FCGR2B: variants seen among roughly 807,000 people sequenced by gnomAD.
FCGR2B encodes Fc gamma receptor IIb, also known as low affinity immunoglobulin gamma Fc region receptor II-b.
FCGR2B carries 18 observed loss-of-function variants against 24.8 expected under a neutral mutation model. That is an observed-to-expected ratio of 0.73 (90% CI 0.50 to 1.08). The LOEUF (loss-of-function observed/expected upper bound fraction) is 1.08. FCGR2B is among the 50% of genes least tolerant of loss of function. FCGR2B has a pLI of 0.00. For synonymous variants in FCGR2B, 79 were observed against 109.8 expected, an observed-to-expected ratio of 0.72 and a Z score of 1.75; for missense variants, 215 against 297.6, an observed-to-expected ratio of 0.72 and a Z score of 2.04.
chr1:161,647,323 T>A, the FCGR2B span, among the ~76,000 whole-genome samples: 3 of 142,780 alleles, frequency 2.1e-5, no homozygotes. Context: ...TTTTTGAGAT[T>A]GAGTCTCGCT....
At chr1:161,677,093 C>A in intron 6 of FCGR2B, 1 of 553,786 alleles carries the variant, frequency 1.8e-6, no homozygotes, top group Non-Finnish European at 3.1e-6. Context: ...GAATGCAGCT[C>A]AAGTGACTGC....
chr1:161,648,944 T>C, the FCGR2B span, among the ~76,000 whole-genome samples: 1 of 151,008 alleles, frequency 6.6e-6, no homozygotes, highest in Non-Finnish European at 1.5e-5. Context: ...ATAATGATTA[T>C]ACCAAAAATA....
chr1:161,671,312 G>A, intron 2 of FCGR2B, 80 bp from the exon 3 acceptor site: 1 of 1,608,492 alleles, frequency 6.2e-7, no homozygotes. Flanking sequence ...GCCTACAGGT[G>A]CTTTTTTGTC....
Position 161,676,021 on chromosome 1 carries a change from A to C in FCGR2B, c.817+708A>C, listed in dbSNP as rs1056013177. 3 of 231,850 alleles carry C rather than the reference A, an allele frequency of 1.3e-5. No individual in the cohort carries two copies. In the Admixed American group the frequency reaches 1.7e-4, roughly 13 times the overall value. The allele number at this position is 231,850 out of a possible 1,614,324, so 14.4% of individuals were successfully genotyped here. On this transcript the variant is annotated intron_variant, in intron 6 of 7. Transcript: ENST00000358671. ...AGGAAATGAGTGGGTGGCCAGGGTG[A>C]CCTCTCAGGTCTTCTAGATTTGACA...
the FCGR2B span, among the ~76,000 whole-genome samples, chr1:161,650,193 G>C: frequency 6.8e-6 from 1 of 147,610 alleles, no homozygotes; most frequent in African/African-American, 2.5e-5. Context: ...GTAGAGATGG[G>C]GTTTTGCCAA....
At chr1:161,664,034 CA>C (rs1157479895) in intron 1 of FCGR2B, among the ~76,000 whole-genome samples, 1 of 136,694 alleles carries the variant, frequency 7.3e-6, no homozygotes, top group Non-Finnish European at 1.5e-5. Context: ...GCAAGAGAGA[CA>C]GGGTCTTTGG....
intron 6 of FCGR2B, chr1:161,676,820 C>A: frequency 6.0e-6 from 1 of 167,342 alleles, no homozygotes; most frequent in Non-Finnish European, 1.3e-5. Flanking sequence ...TCCGTCCCTC[C>A]CTTCCTCCCT....
At chr1:161,677,393 C>T in intron 7 of FCGR2B, 28 bp downstream of exon 7, 1 of 1,612,532 alleles carries the variant, frequency 6.2e-7, no homozygotes, top group Non-Finnish European at 8.5e-7. Flanking sequence ...TCTCCCCCTC[C>T]CTTCTCCCCT....
upstream of FCGR2B, among the ~76,000 whole-genome samples, chr1:161,661,339 C>T (rs1477784824): frequency 7.4e-6 from 1 of 135,786 alleles, no homozygotes; most frequent in Admixed American, 7.2e-5. Context: ...TCTACCTTAT[C>T]TTACATGAAG....
chr1:161,661,196 A>G (rs1257175641), upstream of FCGR2B, among the ~76,000 whole-genome samples: 3 of 23,680 alleles, frequency 1.3e-4, 1 homozygote, highest in East Asian at 1.9e-3. Flanking sequence ...AAAGGAAAGA[A>G]AGAAAGAAAG....
chr1:161,675,777 A>C (rs1319996246), intron 6 of FCGR2B: 2 of 235,186 alleles, frequency 8.5e-6, no homozygotes, highest in African/African-American at 4.4e-5. Flanking sequence ...GATGGGGTGG[A>C]GTGGCCAGGC....
intron 5 of FCGR2B, chr1:161,675,006 A>G: frequency 2.1e-6 from 1 of 486,148 alleles, no homozygotes; most frequent in Non-Finnish European, 3.7e-6. Flanking sequence ...AGCAAGCCTC[A>G]GACAGATGCC....
chr1:161,653,204 G>A, the FCGR2B span, among the ~76,000 whole-genome samples: 1 of 133,348 alleles, frequency 7.5e-6, no homozygotes, highest in East Asian at 2.0e-4. Context: ...AGAAGTTCGA[G>A]ACCAGCCTGG....
chr1:161,671,799 C>A, intron 3 of FCGR2B, 150 bp downstream of exon 3: 1 of 1,448,696 alleles, frequency 6.9e-7, no homozygotes, highest in Non-Finnish European at 9.3e-7. Flanking sequence ...GTTGTTTTTG[C>A]CTCAGTTCTG....
chr1:161,676,831 T>G (rs1437103885), intron 6 of FCGR2B: 3 of 163,002 alleles, frequency 1.8e-5, no homozygotes, highest in African/African-American at 4.8e-5. Context: ...CTTCCTCCCT[T>G]TCTCACTCAC....
chr1:161,673,504 T>C (rs771485732), intron 4 of FCGR2B: 6 of 725,168 alleles, frequency 8.3e-6, no homozygotes, highest in East Asian at 2.7e-5. Flanking sequence ...GCTCCCTCGT[T>C]GGTGCAGAGG....
chr1:161,653,202 G>C, the FCGR2B span, among the ~76,000 whole-genome samples: 1 of 133,252 alleles, frequency 7.5e-6, no homozygotes, highest in African/African-American at 2.6e-5. Context: ...TCAGAAGTTC[G>C]AGACCAGCCT....
the FCGR2B span, among the ~76,000 whole-genome samples, chr1:161,648,856 A>G: frequency 6.6e-6 from 1 of 150,644 alleles, no homozygotes; most frequent in Non-Finnish European, 1.5e-5. Flanking sequence ...TGCCTGACTA[A>G]TTTTTTAATT....
the FCGR2B span, among the ~76,000 whole-genome samples, chr1:161,653,186 C>T: frequency 7.5e-6 from 1 of 133,342 alleles, no homozygotes; most frequent in African/African-American, 2.6e-5. Context: ...GGTGGATCAC[C>T]TGAGGTCAGA....
Sources: gnomAD v4.1 joint callset for allele counts (sites outside exome capture counted in the v4.1 genomes callset) on GRCh38, gnomAD v4.1.1 for gene constraint, MANE v1.5 for transcripts, NCBI Gene and HGNC (gene_info 2026-07-23, HGNC 2026-07-21) for gene names.